The following MEGF11 variants were observed in gnomAD, a reference collection of about 807,000 sequenced individuals.
MEGF11 encodes multiple EGF like domains 11.
In MEGF11, 126 loss-of-function variants were observed where a neutral mutation model predicts 146.6. That is an observed-to-expected ratio of 0.86 (90% CI 0.74 to 1.00). The LOEUF is 1.00. MEGF11 is among the 50% of genes least tolerant of loss of function. MEGF11 has a pLI of 0.00. For missense variants in MEGF11, 1,509 were observed against 1,521.2 expected (o/e 0.99, Z 0.13); for synonymous variants, 532 against 583.4 (o/e 0.91, Z 1.27).
intron 1 of MEGF11, among the ~76,000 whole-genome samples, chr15:66,248,637 T>C (rs1182751071): frequency 6.6e-6 from 1 of 152,204 alleles, no homozygotes; most frequent in Non-Finnish European, 1.5e-5. Context: ...TTGACTGTGG[T>C]CTCAACATTA....
intron 5 of MEGF11, among the ~76,000 whole-genome samples, chr15:66,052,999 A>G (rs551395125): frequency 1.3e-5 from 2 of 152,232 alleles, no homozygotes; most frequent in South Asian, 4.1e-4. Flanking sequence ...GTAAATGCCA[A>G]ATGGATGGAT....
intron 10 of MEGF11, among the ~76,000 whole-genome samples, chr15:65,954,314 G>A (rs2080502790): frequency 6.6e-6 from 1 of 152,208 alleles, no homozygotes; most frequent in South Asian, 2.1e-4. Flanking sequence ...GCGAGTCTCT[G>A]CTGAGTCTGC....
At chr15:65,945,652 C>T (rs955768763) in intron 10 of MEGF11, among the ~76,000 whole-genome samples, 2 of 152,272 alleles carry the variant, frequency 1.3e-5, no homozygotes, top group East Asian at 3.9e-4. Context: ...AACAGTGATA[C>T]GGATGGACAG....
intron 3 of MEGF11, among the ~76,000 whole-genome samples, chr15:66,121,284 T>C (rs759261500): frequency 9.9e-5 from 15 of 152,174 alleles, no homozygotes; most frequent in Non-Finnish European, 1.6e-4. Flanking sequence ...TTTCTGCCTC[T>C]GTCTTTGACC....
intron 5 of MEGF11, among the ~76,000 whole-genome samples, chr15:65,985,921 G>A (rs1436352900): frequency 6.6e-6 from 1 of 151,532 alleles, no homozygotes; most frequent in East Asian, 1.9e-4. Flanking sequence ...GTGAGTGTGT[G>A]TGTATATGCA....
rs79298259 is a variant in MEGF11 at position 66,124,184 on chromosome 15, G to A, written c.99-184C>T. 7.3e-3 allele frequency among the ~76,000 whole-genome samples: 1,092 copies of A among 150,366 alleles called. 12 individuals are homozygous for A. Among genetic ancestry groups the A allele is most frequent in the African/African-American group, 0.025 (1,036 of 40,704 alleles). ...AATGCCCTCATATTCCAGCCTCCCC[G>A]ACCCCAGGTTGGCCCCAGGACATAT... On this transcript the variant is annotated intron_variant, in intron 2 of 25. Coordinates refer to ENST00000395614, the MANE Select transcript of MEGF11 (RefSeq NM_001385028.1).
chr15:66,252,217 ACCCCCCG>A (rs2092381666), intron 1 of MEGF11, among the ~76,000 whole-genome samples: 1 of 119,212 alleles, frequency 8.4e-6, no homozygotes, highest in Non-Finnish European at 1.8e-5. Flanking sequence ...CGCGAGCCGC[ACCCCCCG>A]CCCCCCACCC....
chr15:65,951,718 A>C (rs1303525482), intron 10 of MEGF11, among the ~76,000 whole-genome samples: 1 of 150,588 alleles, frequency 6.6e-6, no homozygotes, highest in Non-Finnish European at 1.5e-5. Flanking sequence ...AAACAAAAAA[A>C]CCCCAACAAA....
intron 21 of MEGF11, among the ~76,000 whole-genome samples, chr15:65,910,267 C>T (rs758392227): frequency 3.3e-5 from 5 of 152,178 alleles, no homozygotes; most frequent in Non-Finnish European, 5.9e-5. Flanking sequence ...TTTCCTGCGA[C>T]CAAAGGAAAG....
chr15:66,066,714 A>G (rs1158118339), intron 5 of MEGF11, among the ~76,000 whole-genome samples: 1 of 152,228 alleles, frequency 6.6e-6, no homozygotes, highest in Non-Finnish European at 1.5e-5. Context: ...TGCCAGCCAG[A>G]GGGCTGAGCC....
intron 8 of MEGF11, among the ~76,000 whole-genome samples, chr15:65,966,128 T>C (rs574825435): frequency 1.2e-3 from 179 of 152,298 alleles, no homozygotes; most frequent in Non-Finnish European, 2.1e-3. Context: ...CCCGAGTAGC[T>C]GGGACTACAG....
chr15:66,067,558 T>A (rs1025954931), intron 5 of MEGF11, among the ~76,000 whole-genome samples: 2 of 152,226 alleles, frequency 1.3e-5, no homozygotes, highest in African/African-American at 4.8e-5. Flanking sequence ...ATCCTACCTG[T>A]GGCAGGTGGG....
chr15:65,898,456 CGCGCGT>C lies in MEGF11; in HGVS notation c.3262+266_3262+271del, dbSNP rs144908302. ...TATCAACAATCTGTGTGTGTGTGTG[CGCGCGT>C]GCACGTGCATGTGCCCATTTCCCAC... is the stretch of plus-strand genomic sequence containing the variant. On this transcript the variant is annotated intron_variant, in intron 25 of 25. Transcript: ENST00000395614. 969 of 984,438 alleles carry C rather than the reference CGCGCGT, an allele frequency of 9.8e-4. 9 individuals carry two copies. The African/African-American group carries it at 0.016, about 16-fold the overall frequency. The allele number at this position is 984,438 out of a possible 1,614,324, so 61.0% of individuals were successfully genotyped here.
At chr15:66,099,196 T>G (rs948397892) in intron 4 of MEGF11, among the ~76,000 whole-genome samples, 1 of 66,366 alleles carries the variant, frequency 1.5e-5, no homozygotes, top group African/African-American at 6.0e-5. Context: ...CTCCCACCCC[T>G]CCTTTTTCTT....
chr15:66,195,026 C>A (rs2090975906), intron 1 of MEGF11, among the ~76,000 whole-genome samples: 1 of 150,996 alleles, frequency 6.6e-6, no homozygotes, highest in Non-Finnish European at 1.5e-5. Flanking sequence ...AAAAAAAAAA[C>A]AAAAGAAAGA....
intron 4 of MEGF11, among the ~76,000 whole-genome samples, chr15:66,117,774 G>A (rs1322626015): frequency 6.6e-6 from 1 of 152,084 alleles, no homozygotes; most frequent in African/African-American, 2.4e-5. Flanking sequence ...TCCCAGGTGA[G>A]GTACTGACCA....
intron 5 of MEGF11, among the ~76,000 whole-genome samples, chr15:66,030,515 T>A (rs973845959): frequency 6.6e-6 from 1 of 152,190 alleles, no homozygotes; most frequent in African/African-American, 2.4e-5. Context: ...GTTCAAGTGA[T>A]TCTCCTGCCT....
chr15:66,070,196 A>G (rs2085307466), intron 5 of MEGF11, among the ~76,000 whole-genome samples: 2 of 152,214 alleles, frequency 1.3e-5, no homozygotes, highest in African/African-American at 4.8e-5. Context: ...GGACTGGGGA[A>G]GCCCAGCTTT....
intron 1 of MEGF11, among the ~76,000 whole-genome samples, chr15:66,251,967 G>A (rs962169956): frequency 2.0e-5 from 3 of 152,192 alleles, no homozygotes; most frequent in Non-Finnish European, 2.9e-5. Context: ...GGGGCACCCC[G>A]CCCAGTCTGC....
Sources: allele counts gnomAD v4.1 joint callset (sites outside exome capture counted in the v4.1 genomes callset), GRCh38; gene constraint gnomAD v4.1.1; transcripts MANE v1.5; gene names NCBI Gene and HGNC (gene_info 2026-07-23, HGNC 2026-07-21).